Variants in AGBL3 observed in about 807,000 individuals in gnomAD.
AGBL3 encodes AGBL carboxypeptidase 3, also known as cytosolic carboxypeptidase 3.
Under a neutral mutation model 94.5 loss-of-function variants are expected in AGBL3, and 68 were observed. The ratio of observed to expected loss-of-function variants is 0.72; its 90% CI spans 0.59 to 0.88. The LOEUF (loss-of-function observed/expected upper bound fraction) is 0.88. Among genes scored for constraint, AGBL3 ranks in the 40% least tolerant of loss-of-function variants. The pLI is 0.00. For synonymous variants in AGBL3, 354 were observed against 370.7 expected, an observed-to-expected ratio of 0.95 and a Z score of 0.52; for missense variants, 934 against 1,103.8, an observed-to-expected ratio of 0.85 and a Z score of 2.18.
In AGBL3 at chr7:135,048,328, T is replaced by C. The variant is rs540051183; in HGVS notation, c.1841+2417T>C. Among the ~76,000 whole-genome samples, 4 of 151,912 alleles carry C rather than the reference T, an allele frequency of 2.6e-5. No homozygotes were observed. In the South Asian group the frequency reaches 6.2e-4, roughly 24 times the overall value. Reference sequence around the variant, plus strand: ...TTTCTCAGGATTGATTTGATGTGGCTATTCATGGTCTTTGGTGTTTCCATA... The same window carrying C: ...TTTCTCAGGATTGATTTGATGTGGCCATTCATGGTCTTTGGTGTTTCCATA... On this transcript the variant is annotated intron_variant, in intron 11 of 16. Transcript: ENST00000436302.
chr7:135,027,409 A>C (rs1203201528), intron 5 of AGBL3, among the ~76,000 whole-genome samples: 2 of 129,326 alleles, frequency 1.5e-5, no homozygotes, highest in Non-Finnish European at 3.3e-5. Context: ...AGTTGCCTTT[A>C]AAGAAATTAA....
At chr7:135,085,011 C>G (rs911446395) in intron 15 of AGBL3, among the ~76,000 whole-genome samples, 4 of 151,980 alleles carry the variant, frequency 2.6e-5, no homozygotes, top group Admixed American at 2.6e-4. Flanking sequence ...TACTTGTTAT[C>G]TTTTATCTTT....
At position 135,034,617 on chromosome 7, in the gene AGBL3, C is replaced by T. The variant is rs1450372943; in HGVS notation, c.1026C>T (p.Ile342=). Residue 342 remains isoleucine (I), a synonymous_variant, in exon 7 of 17, where the codon ATC becomes ATT. Transcript: ENST00000436302. ...LARNMVYILT[I]TTPLKNSDSR... ...GGAACATGGTGTATATTTTAACAAT[C>T]ACTACCCCCTTGAAGAACTCTGACT... 1.3e-6 allele frequency: 2 copies of T among 1,551,570 alleles called. No individual in the cohort carries two copies. The highest frequency in any genetic ancestry group is 1.7e-6 in the Non-Finnish European group (2 of 1,146,992).
intron 8 of AGBL3, among the ~76,000 whole-genome samples, chr7:135,038,295 A>T (rs1816502443): frequency 6.6e-6 from 1 of 152,206 alleles, no homozygotes; most frequent in Non-Finnish European, 1.5e-5. Flanking sequence ...GGATGATCTG[A>T]TAAAAATAGC....
intron 16 of AGBL3, among the ~76,000 whole-genome samples, chr7:135,116,309 A>G (rs1347155699): frequency 6.6e-6 from 1 of 152,218 alleles, no homozygotes; most frequent in Non-Finnish European, 1.5e-5. Flanking sequence ...CTGACTACAG[A>G]GTCCTCCTGA....
intron 12 of AGBL3, among the ~76,000 whole-genome samples, chr7:135,070,335 A>C (rs1032446845): frequency 2.0e-5 from 3 of 152,234 alleles, no homozygotes; most frequent in East Asian, 1.9e-4. Flanking sequence ...AAACTATTCC[A>C]ATCACTAGAA....
At chr7:134,999,759 G>A (rs542736286) in intron 4 of AGBL3, among the ~76,000 whole-genome samples, 13 of 152,338 alleles carry the variant, frequency 8.5e-5, no homozygotes, top group Non-Finnish European at 1.8e-4. Flanking sequence ...TTTTTAAATG[G>A]AACTTTTATA....
intron 15 of AGBL3, among the ~76,000 whole-genome samples, chr7:135,115,011 C>T (rs1355837139): frequency 6.6e-6 from 1 of 152,182 alleles, no homozygotes; most frequent in Non-Finnish European, 1.5e-5. Context: ...GAACACACTA[C>T]TATTCTCCTA....
At position 135,017,104 on chromosome 7, in the gene AGBL3, G is replaced by A. The variant is rs551977035; in HGVS notation, c.363G>A (p.Thr121=). The change falls in exon 5 of 17, where the codon ACG becomes ACA. Residue 121 remains threonine, a synonymous_variant. Transcript: ENST00000436302. ...TGTATATCCCAACGGGCTTAGAAAC[G>A]GAACCCCTTTATCCAGACTCCAAGG... The part of the protein sequence containing the change: ...EPVYIPTGLE[T]EPLYPDSKEA... 35 of 1,551,246 alleles carry A rather than the reference G, an allele frequency of 2.3e-5. No homozygotes were observed. The African/African-American group carries it at 3.1e-4, about 14-fold the overall frequency.
chr7:135,082,893 C>G (rs896760737), intron 15 of AGBL3, among the ~76,000 whole-genome samples: 5 of 152,034 alleles, frequency 3.3e-5, no homozygotes, highest in Non-Finnish European at 7.4e-5. Context: ...AAGCTTCAGA[C>G]CCTGTAGGTA....
intron 11 of AGBL3, among the ~76,000 whole-genome samples, chr7:135,048,723 TTC>T (rs1817600224): frequency 1.3e-5 from 2 of 150,636 alleles, no homozygotes; most frequent in Non-Finnish European, 3.0e-5. Flanking sequence ...ACCTGTAACT[TTC>T]TGAGTTTATT....
At chr7:135,052,832 T>C (rs28393917) in intron 11 of AGBL3, among the ~76,000 whole-genome samples, 2,898 of 152,274 alleles carry the variant, frequency 0.019, 105 homozygotes, top group African/African-American at 0.065. Context: ...GAATACCTTT[T>C]AAGAAATTCA....
intron 16 of AGBL3, among the ~76,000 whole-genome samples, chr7:135,117,967 G>A (rs774608332): frequency 6.6e-6 from 1 of 152,202 alleles, no homozygotes; most frequent in South Asian, 2.1e-4. Flanking sequence ...GCTGTAGGAT[G>A]CAAATTTGAG....
chr7:135,041,176 A>T (rs1321417398), intron 8 of AGBL3, among the ~76,000 whole-genome samples: 1 of 152,186 alleles, frequency 6.6e-6, no homozygotes, highest in Non-Finnish European at 1.5e-5. Context: ...AAGACTAAAC[A>T]CAGTAAAATA....
intron 15 of AGBL3, among the ~76,000 whole-genome samples, chr7:135,082,499 G>T (rs1821001506): frequency 6.6e-6 from 1 of 152,024 alleles, no homozygotes; most frequent in Non-Finnish European, 1.5e-5. Flanking sequence ...TGTCTAATGA[G>T]TGCAAAATAT....
intron 4 of AGBL3, among the ~76,000 whole-genome samples, chr7:135,013,919 G>A (rs1349274828): frequency 6.6e-6 from 1 of 152,146 alleles, no homozygotes; most frequent in Non-Finnish European, 1.5e-5. Flanking sequence ...TGTTGGCCGG[G>A]CGCAGTGGCT....
chr7:135,105,293 C>T (rs1824513456), intron 15 of AGBL3, among the ~76,000 whole-genome samples: 5 of 151,776 alleles, frequency 3.3e-5, no homozygotes. Flanking sequence ...TGGTCTTGAA[C>T]TCCTGACCTC....
intron 15 of AGBL3, among the ~76,000 whole-genome samples, chr7:135,095,283 T>C (rs1460942957): frequency 3.3e-5 from 5 of 152,070 alleles, no homozygotes; most frequent in African/African-American, 1.2e-4. Flanking sequence ...GGATACTTCC[T>C]CTCCCCCATA....
intron 16 of AGBL3, among the ~76,000 whole-genome samples, chr7:135,117,784 C>A (rs1826539926): frequency 6.6e-6 from 1 of 152,180 alleles, no homozygotes; most frequent in Non-Finnish European, 1.5e-5. Flanking sequence ...CTACCTCAGG[C>A]ACAATTTGCC....
Sources: allele counts gnomAD v4.1 joint callset (sites outside exome capture counted in the v4.1 genomes callset), GRCh38; gene constraint gnomAD v4.1.1; transcripts MANE v1.5; gene names NCBI Gene and HGNC (gene_info 2026-07-23, HGNC 2026-07-21).